ANKRD36B: variants seen among roughly 807,000 people sequenced by gnomAD.
The protein encoded by ANKRD36B is ankyrin repeat domain-containing protein 36B.
ANKRD36B carries 37 observed loss-of-function variants against 135.7 expected under a neutral mutation model. The ratio of observed to expected loss-of-function variants is 0.27; its 90% confidence interval spans 0.21 to 0.36. The LOEUF is 0.36. ANKRD36B is among the 10% of genes least tolerant of loss of function. The pLI, the probability that ANKRD36B is intolerant of heterozygous loss-of-function variation, is 1.00. For missense variants in ANKRD36B, 549 were observed against 1,037.1 expected (o/e 0.53, Z 6.46); for synonymous variants, 179 against 348.1 (o/e 0.51, Z 5.41).
intron 6 of ANKRD36B, among the ~76,000 whole-genome samples, chr2:97,565,175 G>A (rs1405249353): frequency 6.6e-6 from 1 of 152,092 alleles, no homozygotes; most frequent in Non-Finnish European, 1.5e-5. Context: ...TATTACTGGT[G>A]TATAGGAATG....
chr2:97,536,900 C>A lies in ANKRD36B; in HGVS notation c.2090-404G>T, dbSNP rs1022952051. The stretch of plus-strand genomic sequence containing the variant: ...ATCAGAAGGCTTTATACCAGTATAA[C>A]ATAAACATTCATCATGCTCTTTAGC... On this transcript the variant is annotated intron_variant, in intron 32 of 43. Transcript: ENST00000359901. 1.2e-3 allele frequency among the ~76,000 whole-genome samples: 121 copies of A among 96,972 alleles called. 35 individuals carry two copies. The highest frequency in any genetic ancestry group is 3.7e-3 in the African/African-American group (119 of 32,434). 63.6% of individuals were successfully genotyped at this position (96,972 alleles called of 152,430 possible).
intron 16 of ANKRD36B, among the ~76,000 whole-genome samples, chr2:97,552,312 A>C (rs1437684667): frequency 1.3e-5 from 2 of 151,978 alleles, no homozygotes; most frequent in Non-Finnish European, 2.9e-5. Flanking sequence ...AATTCAACAT[A>C]ATTTTTGTTT....
chr2:97,576,424 A>T lies in ANKRD36B; in HGVS notation c.718T>A (p.Tyr240Asn), dbSNP rs1428044264. Residue 240 changes from tyrosine (Y) to asparagine (N), a missense_variant, in exon 6 of 44, where the codon TAC becomes AAC. Tyr to Asn is a moderately radical substitution (Grantham distance 143). Transcript: ENST00000359901. Reference sequence around the variant, plus strand: ...AGATCTTCATATCTCTTTCTTTTGTATTCATAAATTAGATCAAAAATGCTA... The same window carrying T: ...AGATCTTCATATCTCTTTCTTTTGTTTTCATAAATTAGATCAAAAATGCTA... ...NRVIFDLIYE[Y>N]KRKRYEDLPI... The T allele has an allele frequency of 8.5e-6, 11 of 1,298,608 alleles. 1 individual carries two copies. The Admixed American group carries it at 1.3e-4, about 15-fold the overall frequency. 80.4% of individuals were successfully genotyped at this position (1,298,608 alleles called of 1,614,324 possible).
intron 3 of ANKRD36B, among the ~76,000 whole-genome samples, chr2:97,581,908 G>A (rs1482939979): frequency 1.3e-5 from 2 of 151,780 alleles, no homozygotes; most frequent in East Asian, 1.9e-4. Context: ...ATTCAAGCAC[G>A]AGAAATTCTC....
chr2:97,494,359 C>A (rs1377406849), intron 43 of ANKRD36B, among the ~76,000 whole-genome samples: 26 of 103,622 alleles, frequency 2.5e-4, no homozygotes, highest in Non-Finnish European at 8.0e-5. Flanking sequence ...GTCAGGGACC[C>A]AGAAGGCTTT....
At position 97,537,481 on chromosome 2, in the gene ANKRD36B, G is replaced by A. The variant is rs2078946271; in HGVS notation, c.2089+687C>T. Among the ~76,000 whole-genome samples, 3 of 96,946 alleles carry A rather than the reference G, an allele frequency of 3.1e-5. 1 individual carries two copies. The highest frequency in any genetic ancestry group is 5.5e-5 in the Non-Finnish European group (2 of 36,404). 63.6% of individuals were successfully genotyped at this position (96,946 alleles called of 152,430 possible). ...AACTAATAAAGAATATATGTCTGAT[G>A]TCTGATACTAATAAACATGAATAAT... On this transcript the variant is annotated intron_variant, in intron 32 of 43. Coordinates refer to ENST00000359901, the MANE Select transcript of ANKRD36B (RefSeq NM_001393939.1).
At chr2:97,565,817 G>A (rs540234083) in intron 6 of ANKRD36B, among the ~76,000 whole-genome samples, 6 of 151,938 alleles carry the variant, frequency 3.9e-5, no homozygotes, top group African/African-American at 1.4e-4. Context: ...ATCTAGAACC[G>A]GAAATACCAT....
At chr2:97,567,106 A>G (rs2104840376) in intron 6 of ANKRD36B, among the ~76,000 whole-genome samples, 1 of 152,174 alleles carries the variant, frequency 6.6e-6, no homozygotes, top group South Asian at 2.1e-4. Flanking sequence ...AAACACATTT[A>G]CCAGTTTTTT....
At chr2:97,566,214 G>A (rs964894375) in intron 6 of ANKRD36B, among the ~76,000 whole-genome samples, 3 of 151,906 alleles carry the variant, frequency 2.0e-5, no homozygotes, top group African/African-American at 7.3e-5. Flanking sequence ...CCAGCTACTC[G>A]GGAGGCTGAG....
intron 6 of ANKRD36B, among the ~76,000 whole-genome samples, chr2:97,567,697 T>C (rs1431631714): frequency 1.3e-5 from 2 of 152,120 alleles, no homozygotes; most frequent in African/African-American, 2.4e-5. Context: ...AGATTCTGAG[T>C]AGTATGACAA....
intron 35 of ANKRD36B, among the ~76,000 whole-genome samples, chr2:97,528,018 C>A (rs1295667582): frequency 2.1e-5 from 2 of 95,302 alleles, no homozygotes; most frequent in African/African-American, 6.3e-5. Context: ...AACAAGGAGA[C>A]CCAGAAATTG....
chr2:97,578,533 C>G (rs935227183), intron 5 of ANKRD36B, among the ~76,000 whole-genome samples: 1 of 151,962 alleles, frequency 6.6e-6, no homozygotes, highest in Non-Finnish European at 1.5e-5. Context: ...GTACACAACT[C>G]AAGGTTTTTT....
chr2:97,494,659 G>A (rs1407798943), intron 43 of ANKRD36B, among the ~76,000 whole-genome samples: 22 of 101,230 alleles, frequency 2.2e-4, no homozygotes, highest in Non-Finnish European at 2.8e-5. Context: ...TTTAACTTTG[G>A]ACAATTTGAT....
chr2:97,580,573 A>G lies in ANKRD36B; in HGVS notation c.451-5T>C. 6 of 1,538,444 alleles carry G rather than the reference A, an allele frequency of 3.9e-6. No homozygotes were observed. Among genetic ancestry groups the G allele is most frequent in the Non-Finnish European group, 5.3e-6 (6 of 1,140,366 alleles). ...TAACAGTGGCTGATATTCATTCTGT[A>G]AAATAACAGCAACAATTTATAATCA... On this transcript the variant is annotated splice_region_variant and splice_polypyrimidine_tract_variant and intron_variant, in intron 3 of 43. Coordinates refer to ENST00000359901, the MANE Select transcript of ANKRD36B (RefSeq NM_001393939.1).
chr2:97,555,690 A>G (rs2080455153), intron 12 of ANKRD36B, among the ~76,000 whole-genome samples: 1 of 151,916 alleles, frequency 6.6e-6, no homozygotes, highest in Non-Finnish European at 1.5e-5. Context: ...AGCTTGCCTG[A>G]TAACTGAGAA....
At chr2:97,547,202 C>G in intron 22 of ANKRD36B, 1 of 277,718 alleles carries the variant, frequency 3.6e-6, no homozygotes, top group South Asian at 3.9e-5. Context: ...TGTGTAAATT[C>G]TATACTTCCT....
rs2104597746 is a variant in ANKRD36B at position 97,547,708 on chromosome 2, A to C, written c.1501T>G (p.Leu501Val). The C allele has an allele frequency of 6.4e-7, 1 of 1,561,922 alleles. No individual in the cohort carries two copies. The highest frequency in any genetic ancestry group is 2.4e-5 in the East Asian group (1 of 42,342). Reference protein sequence around the residue: ...RTVSFEQPPGLKATRDEKDSL... With the variant: ...RTVSFEQPPGVKATRDEKDSL... ...ATAAATGACAGTTTCATTACCTTCA[A>C]GCCTGGTGGTTGCTCAAAAGACACT... The change falls in exon 21 of 44, where the codon TTG becomes GTG. Residue 501 changes from leucine to valine, a missense_variant. By Grantham distance (32) the Leu-to-Val change is conservative (BLOSUM62 1). Coordinates refer to ENST00000359901, the MANE Select transcript of ANKRD36B (RefSeq NM_001393939.1).
rs190310160 is a variant in ANKRD36B at position 97,572,953 on chromosome 2, T to A, written c.763+3426A>T. On this transcript the variant is annotated intron_variant, in intron 6 of 43. Transcript: ENST00000359901. ...TTTTTTTATACTTTTAGAGTACATGTGCACAAAGTGCAGGTTTGTTACATA... is the reference window on the plus strand; with the variant it reads ...TTTTTTTATACTTTTAGAGTACATGAGCACAAAGTGCAGGTTTGTTACATA... Among the ~76,000 whole-genome samples, 155 of 151,862 alleles carry A rather than the reference T, an allele frequency of 1.0e-3. 4 individuals are homozygous for A. The East Asian group carries it at 0.012, about 12-fold the overall frequency.
In ANKRD36B at chr2:97,555,080, T is replaced by C. The variant is rs1182540035; in HGVS notation, c.1151A>G (p.Asp384Gly). The change falls in exon 14 of 44, where the codon GAT becomes GGT. Residue 384 changes from aspartate to glycine, a missense_variant. Asp to Gly is a moderately conservative substitution (Grantham distance 94). Coordinates refer to ENST00000359901, the MANE Select transcript of ANKRD36B (RefSeq NM_001393939.1). ...SALNTATEIKDGLQCGTVSSQ... is the reference protein window; with the variant it reads ...SALNTATEIKGGLQCGTVSSQ... ...ATTACCTGTCCCACATTGTAGTCCA[T>C]CCTTTATTTCTGTAGCTGTATTCAA... is the stretch of plus-strand genomic sequence containing the variant. 3.1e-6 allele frequency: 5 copies of C among 1,611,832 alleles called. No individual in the cohort carries two copies. The African/African-American group carries it at 4.0e-5, about 13-fold the overall frequency.
Sources: allele counts gnomAD v4.1 joint callset (sites outside exome capture counted in the v4.1 genomes callset), GRCh38; gene constraint gnomAD v4.1.1; transcripts MANE v1.5; gene names NCBI Gene and HGNC (gene_info 2026-07-23, HGNC 2026-07-21).